IQCM: variants seen among roughly 807,000 people sequenced by gnomAD.
IQCM encodes IQ motif containing M.
A neutral mutation model predicts 57.6 loss-of-function variants in IQCM; 45 were observed. The ratio of observed to expected loss-of-function variants is 0.78; its 90% confidence interval spans 0.62 to 1.00. The LOEUF is 1.00. Among genes scored for constraint, IQCM ranks in the 50% least tolerant of loss-of-function variants. The pLI is 0.00. For synonymous variants in IQCM, 148 were observed against 158.9 expected (o/e 0.93, Z 0.51); for missense variants, 468 against 511.6 (o/e 0.91, Z 0.82).
intron 12 of IQCM, among the ~76,000 whole-genome samples, chr4:149,547,274 A>G (rs1398684357): frequency 6.6e-6 from 1 of 151,984 alleles, no homozygotes; most frequent in African/African-American, 2.4e-5. Context: ...AGCTTTGTTA[A>G]AAAGTGGTAT....
chr4:149,714,607 C>A lies in IQCM; in HGVS notation c.385+18637G>T, dbSNP rs527464526. 6.6e-5 allele frequency among the ~76,000 whole-genome samples: 10 copies of A among 152,246 alleles called. No homozygotes were observed. The South Asian group carries it at 1.9e-3, about 28-fold the overall frequency. On this transcript the variant is annotated intron_variant, in intron 5 of 13. Transcript: ENST00000636793. ...TGGGTAGTACCAAATCCTATATGTACCATGTTTGTTCCTATACATACATAC... is the reference window on the plus strand; with the variant it reads ...TGGGTAGTACCAAATCCTATATGTAACATGTTTGTTCCTATACATACATAC...
At chr4:149,663,045 CT>C (rs1382005418) in intron 7 of IQCM, among the ~76,000 whole-genome samples, 1 of 151,774 alleles carries the variant, frequency 6.6e-6, no homozygotes, top group Non-Finnish European at 1.5e-5. Flanking sequence ...TGTTTCCTTT[CT>C]CTTTCTCTTT....
At chr4:149,769,112 T>C (rs1188936617) in intron 2 of IQCM, among the ~76,000 whole-genome samples, 1 of 152,104 alleles carries the variant, frequency 6.6e-6, no homozygotes, top group Non-Finnish European at 1.5e-5. Context: ...TAAGTATCAC[T>C]ATGGCATTAG....
intron 12 of IQCM, among the ~76,000 whole-genome samples, chr4:149,487,756 C>T (rs938139201): frequency 1.3e-5 from 2 of 152,140 alleles, no homozygotes; most frequent in Admixed American, 1.3e-4. Context: ...ACTGCACTCT[C>T]CTTCCTTAAA....
chr4:149,725,761 A>G (rs1399097426), intron 5 of IQCM, among the ~76,000 whole-genome samples: 1 of 152,096 alleles, frequency 6.6e-6, no homozygotes, highest in Non-Finnish European at 1.5e-5. Flanking sequence ...CACTCTTCTT[A>G]CTGCTGACCT....
At chr4:149,760,380 A>C (rs1769388167) in intron 2 of IQCM, among the ~76,000 whole-genome samples, 1 of 152,154 alleles carries the variant, frequency 6.6e-6, no homozygotes, top group Non-Finnish European at 1.5e-5. Context: ...GAATAAAATG[A>C]CTTTATTAAG....
At chr4:149,568,885 C>T (rs555362157) in intron 9 of IQCM, among the ~76,000 whole-genome samples, 1 of 152,266 alleles carries the variant, frequency 6.6e-6, no homozygotes, top group East Asian at 1.9e-4. Flanking sequence ...ACCTTTGCAA[C>T]GTGATTGTGC....
At chr4:149,724,546 T>A (rs1287159202) in intron 5 of IQCM, among the ~76,000 whole-genome samples, 1 of 151,718 alleles carries the variant, frequency 6.6e-6, no homozygotes, top group Non-Finnish European at 1.5e-5. Context: ...TAAACACATA[T>A]ACACAATCAC....
At position 149,369,995 on chromosome 4, in the gene IQCM, G is replaced by A. The variant is rs149046518; in HGVS notation, c.1391-17929C>T. Among the ~76,000 whole-genome samples the A allele has an allele frequency of 9.2e-5, 14 of 152,196 alleles. No individual in the cohort carries two copies. In the East Asian group the frequency reaches 1.2e-3, roughly 13 times the overall value. ...ACTGCAGCCTCAGTCTCCTGGGTTC[G>A]AAAGATCTTCCCACTTTAGCCTCCC... On this transcript the variant is annotated intron_variant, in intron 13 of 13. Transcript: ENST00000636793.
intron 11 of IQCM, among the ~76,000 whole-genome samples, chr4:149,549,056 A>T (rs1748746786): frequency 6.6e-6 from 1 of 152,140 alleles, no homozygotes; most frequent in Non-Finnish European, 1.5e-5. Flanking sequence ...TTGGCCCCTA[A>T]TTGGGAGCAA....
chr4:149,684,418 C>A (rs1281220340), intron 6 of IQCM, among the ~76,000 whole-genome samples: 1 of 151,264 alleles, frequency 6.6e-6, no homozygotes, highest in Non-Finnish European at 1.5e-5. Flanking sequence ...TCTTAACAAT[C>A]AGCATTTTTC....
At chr4:149,425,584 C>T (rs953475523) in intron 13 of IQCM, among the ~76,000 whole-genome samples, 1 of 151,920 alleles carries the variant, frequency 6.6e-6, no homozygotes, top group African/African-American at 2.4e-5. Context: ...CCTTCCTCCA[C>T]CTTTTTTTCT....
At chr4:149,493,196 T>C (rs1742282576) in intron 12 of IQCM, among the ~76,000 whole-genome samples, 2 of 152,142 alleles carry the variant, frequency 1.3e-5, no homozygotes, top group African/African-American at 4.8e-5. Flanking sequence ...TTAACAACCT[T>C]TAAATACTTT....
chr4:149,382,992 CAAAA>C (rs202088268), intron 13 of IQCM, among the ~76,000 whole-genome samples: 10 of 103,952 alleles, frequency 9.6e-5, no homozygotes, highest in Non-Finnish European at 1.1e-4. Flanking sequence ...TATTCTTCAG[CAAAA>C]AAAAAAAAAA....
chr4:149,808,204 T>C (rs771558535), intron 2 of IQCM, among the ~76,000 whole-genome samples: 14 of 152,262 alleles, frequency 9.2e-5, no homozygotes, highest in East Asian at 1.9e-4. Flanking sequence ...AAATGTAGTA[T>C]AGATGCACAA....
In IQCM at chr4:149,585,895, C is replaced by T. The variant is rs1419755077; in HGVS notation, c.749+2035G>A. ...ATTGAACCAAGTGATGTCTAAAATT[C>T]CTTCAGCCATCATTCTTTAAAATAT... On this transcript the variant is annotated intron_variant, in intron 9 of 13. Coordinates refer to ENST00000636793, the MANE Select transcript of IQCM (RefSeq NM_001363507.2). Among the ~76,000 whole-genome samples, 24 of 151,572 alleles carry T rather than the reference C, an allele frequency of 1.6e-4. 2 individuals are homozygous for T. The highest frequency in any genetic ancestry group is 3.5e-4 in the Non-Finnish European group (24 of 67,724).
chr4:149,388,774 T>C (rs186566612), intron 13 of IQCM, among the ~76,000 whole-genome samples: 30 of 144,836 alleles, frequency 2.1e-4, no homozygotes, highest in East Asian at 1.8e-3. Flanking sequence ...CATATATATA[T>C]ACACACACAC....
intron 8 of IQCM, among the ~76,000 whole-genome samples, chr4:149,602,518 T>C (rs1169266603): frequency 6.6e-6 from 1 of 152,184 alleles, no homozygotes; most frequent in African/African-American, 2.4e-5. Flanking sequence ...GCCAAATTTA[T>C]GGCCTTCTTA....
At chr4:149,578,837 G>A (rs935721995) in intron 9 of IQCM, among the ~76,000 whole-genome samples, 3 of 151,856 alleles carry the variant, frequency 2.0e-5, no homozygotes, top group African/African-American at 7.2e-5. Flanking sequence ...ACAGAATGAT[G>A]GTCAGGCAAT....
Sources: allele counts gnomAD v4.1 joint callset (sites outside exome capture counted in the v4.1 genomes callset), GRCh38; gene constraint gnomAD v4.1.1; transcripts MANE v1.5; gene names NCBI Gene and HGNC (gene_info 2026-07-23, HGNC 2026-07-21).